PCNX2: variants seen among roughly 807,000 people sequenced by gnomAD.
PCNX2 encodes the protein pecanex 2, also known as pecanex-like protein 2.
In PCNX2, 168 loss-of-function variants were observed where a neutral mutation model predicts 223.8. The observed-to-expected ratio is 0.75, with a 90% CI of 0.66 to 0.85. PCNX2 has a LOEUF of 0.85. Ranked by LOEUF, PCNX2 falls within the 40% of genes least tolerant of loss-of-function variation. The pLI, the probability that PCNX2 is intolerant of heterozygous loss-of-function variation, is 0.00. For missense variants in PCNX2, 2,507 were observed against 2,675.5 expected, an observed-to-expected ratio of 0.94 and a Z score of 1.39; for synonymous variants, 1,006 against 1,052.6, an observed-to-expected ratio of 0.96 and a Z score of 0.86.
At chr1:233,068,597 A>C (rs1383528305) in intron 23 of PCNX2, among the ~76,000 whole-genome samples, 1 of 152,190 alleles carries the variant, frequency 6.6e-6, no homozygotes, top group Non-Finnish European at 1.5e-5. Flanking sequence ...CTAAATGGAC[A>C]TGAAAAGACT....
At chr1:233,168,514 A>C (rs891841118) in intron 17 of PCNX2, among the ~76,000 whole-genome samples, 3 of 152,038 alleles carry the variant, frequency 2.0e-5, no homozygotes, top group African/African-American at 7.2e-5. Context: ...ATAATTTTCC[A>C]TCTTGTGATA....
the PCNX2 span, among the ~76,000 whole-genome samples, chr1:233,327,288 C>T: frequency 1.3e-5 from 2 of 152,100 alleles, no homozygotes; most frequent in South Asian, 4.1e-4. Flanking sequence ...ATCCCGCCTC[C>T]CAGACCATGT....
At chr1:233,271,148 G>C (rs1203052169) in intron 1 of PCNX2, among the ~76,000 whole-genome samples, 1 of 152,094 alleles carries the variant, frequency 6.6e-6, no homozygotes, top group Non-Finnish European at 1.5e-5. Context: ...ACAAGACAAA[G>C]TTATGTCAAC....
At chr1:233,269,778 C>T (rs1235821354) in intron 1 of PCNX2, among the ~76,000 whole-genome samples, 1 of 152,274 alleles carries the variant, frequency 6.6e-6, no homozygotes, top group Non-Finnish European at 1.5e-5. Context: ...TCCGAGAGTG[C>T]TGGGATGATT....
chr1:233,056,053 T>C (rs190436084), intron 24 of PCNX2, among the ~76,000 whole-genome samples: 53 of 152,334 alleles, frequency 3.5e-4, no homozygotes, highest in African/African-American at 1.1e-3. Flanking sequence ...TTATGATTAA[T>C]GGAAAGAAAC....
chr1:233,156,015 T>A (rs189276491), intron 19 of PCNX2, among the ~76,000 whole-genome samples: 214 of 152,310 alleles, frequency 1.4e-3, no homozygotes, highest in African/African-American at 4.6e-3. Context: ...TACACATTAA[T>A]ATAACTCAGT....
At chr1:233,049,590 G>A (rs962693418) in intron 25 of PCNX2, among the ~76,000 whole-genome samples, 1 of 152,062 alleles carries the variant, frequency 6.6e-6, no homozygotes, top group Non-Finnish European at 1.5e-5. Flanking sequence ...ATTCAACATA[G>A]TACTGGAAGT....
chr1:233,263,023 C>T lies in PCNX2; in HGVS notation c.294G>A (p.Lys98=). 3 of 1,613,664 alleles carry T rather than the reference C, an allele frequency of 1.9e-6. No individual in the cohort carries two copies. The highest frequency in any genetic ancestry group is 2.5e-6 in the Non-Finnish European group (3 of 1,179,776). The change falls in exon 2 of 34, where the codon AAG becomes AAA. Residue 98 remains lysine (K), a synonymous_variant. Transcript: ENST00000258229. Reference sequence around the variant, plus strand: ...CCTTGTCTTTATTTGGCTTTTCTTCCTTTCTGGAGGGCTTTTGCTGAATTA... The same window carrying T: ...CCTTGTCTTTATTTGGCTTTTCTTCTTTTCTGGAGGGCTTTTGCTGAATTA... ...GEVIQQKPSR[K]EEKPNKDKEA...
intron 5 of PCNX2, among the ~76,000 whole-genome samples, chr1:233,255,591 G>C (rs986262391): frequency 6.6e-6 from 1 of 152,182 alleles, no homozygotes; most frequent in Non-Finnish European, 1.5e-5. Flanking sequence ...TTTCAAAAGT[G>C]TGTGGTTTTC....
chr1:233,219,237 G>A (rs1274263201), intron 10 of PCNX2, among the ~76,000 whole-genome samples: 1 of 151,728 alleles, frequency 6.6e-6, no homozygotes, highest in Non-Finnish European at 1.5e-5. Flanking sequence ...ACTGAAGATG[G>A]CAAGGGCTGC....
intron 23 of PCNX2, among the ~76,000 whole-genome samples, chr1:233,082,739 G>A (rs1280545734): frequency 2.0e-5 from 3 of 152,208 alleles, no homozygotes; most frequent in African/African-American, 4.8e-5. Context: ...TGGGTAGGAA[G>A]CATTCAGCAA....
chr1:233,142,016 A>C (rs911355750), intron 19 of PCNX2, among the ~76,000 whole-genome samples: 1 of 152,192 alleles, frequency 6.6e-6, no homozygotes, highest in African/African-American at 2.4e-5. Context: ...CAGATGAAAC[A>C]GGGAGGAAGA....
chr1:233,275,986 G>T (rs897613660), intron 1 of PCNX2, among the ~76,000 whole-genome samples: 3 of 151,642 alleles, frequency 2.0e-5, no homozygotes, highest in African/African-American at 7.3e-5. Context: ...AGCCCAGGTC[G>T]TGTCACTGCA....
chr1:233,211,831 G>C (rs945966905), intron 12 of PCNX2: 1 of 984,478 alleles, frequency 1.0e-6, no homozygotes, highest in South Asian at 4.7e-5. Context: ...AAGCAAATTC[G>C]GAGAATGAGG....
intron 15 of PCNX2, among the ~76,000 whole-genome samples, chr1:233,195,163 G>T (rs571676878): frequency 1.3e-5 from 2 of 152,082 alleles, no homozygotes; most frequent in South Asian, 4.2e-4. Context: ...TGGAATGTTG[G>T]TTCTACACTG....
chr1:233,003,533 G>C (rs932279787), intron 28 of PCNX2, among the ~76,000 whole-genome samples: 14 of 152,182 alleles, frequency 9.2e-5, no homozygotes, highest in African/African-American at 3.4e-4. Context: ...GAGAAATACA[G>C]ACGCTTTTAC....
chr1:233,188,264 G>A (rs1437758846), intron 15 of PCNX2, among the ~76,000 whole-genome samples: 1 of 152,128 alleles, frequency 6.6e-6, no homozygotes, highest in Non-Finnish European at 1.5e-5. Flanking sequence ...CCCCCTGGCT[G>A]TCGGATTGCA....
chr1:233,190,525 G>A (rs1347308755), intron 15 of PCNX2, among the ~76,000 whole-genome samples: 1 of 152,158 alleles, frequency 6.6e-6, no homozygotes, highest in Admixed American at 6.6e-5. Flanking sequence ...AATACGGTTA[G>A]AACATTAAGG....
rs1309287067 is a variant in PCNX2, at chr1:232,995,079, G to A, written c.5791+3172C>T. 3.3e-5 allele frequency among the ~76,000 whole-genome samples: 5 copies of A among 152,222 alleles called. No homozygotes were observed. In the South Asian group the frequency reaches 1.0e-3, roughly 32 times the overall value. On this transcript the variant is annotated intron_variant, in intron 32 of 33. Coordinates refer to ENST00000258229, the MANE Select transcript of PCNX2 (RefSeq NM_014801.4). ...GGATCCAGTGAATGTGCACATGAAAGTACTCAGGATGGTGTTGGTAGAGTA... is the reference window on the plus strand; with the variant it reads ...GGATCCAGTGAATGTGCACATGAAAATACTCAGGATGGTGTTGGTAGAGTA...
Sources: allele counts gnomAD v4.1 joint callset (sites outside exome capture counted in the v4.1 genomes callset), GRCh38; gene constraint gnomAD v4.1.1; transcripts MANE v1.5; gene names NCBI Gene and HGNC (gene_info 2026-07-23, HGNC 2026-07-21).